The following TUBA8 variants were observed in gnomAD, a reference collection of about 807,000 sequenced individuals.
TUBA8 encodes tubulin alpha 8.
In TUBA8, 29 loss-of-function variants were observed where a neutral mutation model predicts 34.7. That is an observed-to-expected ratio of 0.84 (90% CI 0.62 to 1.14). The LOEUF (loss-of-function observed/expected upper bound fraction) is 1.14. Ranked by LOEUF, TUBA8 falls within the 50% of genes most tolerant of loss-of-function variation. The pLI, the probability that TUBA8 is intolerant of heterozygous loss-of-function variation, is 0.00. For synonymous variants in TUBA8, 226 were observed against 231.2 expected (o/e 0.98, Z 0.21); for missense variants, 541 against 599.2 (o/e 0.90, Z 1.01).
Position 18,119,474 on chromosome 22 carries a change from T to C in TUBA8, c.4-2005T>C, listed in dbSNP as rs879329592. The stretch of plus-strand genomic sequence containing the variant: ...ACTTTTCAGATGAGGAGAGGCTCAG[T>C]AACTCAGCCCAGGCCACACAGCACA... On this transcript the variant is annotated intron_variant, in intron 1 of 4. Transcript: ENST00000330423. This position sits in a 1 kb window ranked among gnomAD's most constrained non-coding sequence, Gnocchi z 5.9. The C allele has an allele frequency of 6.6e-6, 1 of 152,220 alleles. No individual in the cohort carries two copies. The highest frequency in any genetic ancestry group is 1.5e-5 in the Non-Finnish European group (1 of 68,066). The allele number at this position is 152,220 out of a possible 1,614,324, so 9.4% of individuals were successfully genotyped here. A position where few individuals can be genotyped will look rare whatever the true frequency, so the allele number is the denominator to read the frequency against.
In TUBA8 at chr22:18,131,100, T is replaced by C; in HGVS notation, c.1314T>C (p.Asp438=). 1 of 1,614,204 alleles carries C rather than the reference T, an allele frequency of 6.2e-7. No homozygotes were observed. Among genetic ancestry groups the C allele is most frequent in the Non-Finnish European group, 8.5e-7 (1 of 1,180,022 alleles). The change falls in exon 5 of 5, where the codon GAT becomes GAC. Residue 438 remains aspartate (D), a synonymous_variant. Transcript: ENST00000330423. This position sits in a 1 kb window ranked among gnomAD's most constrained non-coding sequence, Gnocchi z 5.3. ...LEKDYEEVGT[D]SFEEENEGEE... ...AGGATTATGAAGAAGTGGGGACTGA[T>C]TCGTTTGAAGAAGAAAATGAAGGGG...
chr22:18,127,396 T>TG (rs1174726236), intron 4 of TUBA8: 1 of 165,376 alleles, frequency 6.0e-6, no homozygotes, highest in Non-Finnish European at 1.3e-5. Flanking sequence ...TTAGTTTTGT[T>TG]TTTTTTTTTT....
chr22:18,124,389 G>A lies in TUBA8; in HGVS notation c.375+85G>A. The A allele has an allele frequency of 2.7e-6, 4 of 1,469,594 alleles. No individual in the cohort carries two copies. The highest frequency in any genetic ancestry group is 3.7e-6 in the Non-Finnish European group (4 of 1,091,224). The allele number at this position is 1,469,594 out of a possible 1,614,324, so 91.0% of individuals were successfully genotyped here. A position where few individuals can be genotyped will look rare whatever the true frequency, so the allele number is the denominator to read the frequency against. The stretch of plus-strand genomic sequence containing the variant: ...TGCCTCTTTGATCAGGCTAGGGAGA[G>A]GCATCTGACCCCTGGCTATAGGATG... On this transcript the variant is annotated intron_variant, in intron 3 of 4. Coordinates refer to ENST00000330423, the MANE Select transcript of TUBA8 (RefSeq NM_018943.3). This position sits in a 1 kb window ranked among gnomAD's most constrained non-coding sequence, Gnocchi z 4.3.
At chr22:18,122,971 G>T (rs959943045) in intron 2 of TUBA8, 2 of 151,350 alleles carry the variant, frequency 1.3e-5, no homozygotes, top group Non-Finnish European at 1.5e-5. Context: ...TTAGCCAGGC[G>T]TGGTGGTGGG....
At chr22:18,123,110 C>CAACAA (rs1279684980) in intron 2 of TUBA8, 2 of 21,188 alleles carry the variant, frequency 9.4e-5, no homozygotes, top group African/African-American at 2.7e-4. Context: ...ACCCCGTCTC[C>CAACAA]AAAAAAAAAA....
At position 18,121,944 on chromosome 22, in the gene TUBA8, C is replaced by A. The variant is rs1928163600; in HGVS notation, c.226+243C>A. On this transcript the variant is annotated intron_variant, in intron 2 of 4. Transcript: ENST00000330423. The surrounding 1 kb of genome is among the most constrained non-coding windows in gnomAD (Gnocchi z 4.8). ...CACTTCAACCCCAAAACCTGCGGCA[C>A]CAGGTCAAAATGGTCACATCGCTAC... 2 of 541,806 alleles carry A rather than the reference C, an allele frequency of 3.7e-6. No homozygotes were observed. 33.6% of individuals were successfully genotyped at this position (541,806 alleles called of 1,614,324 possible). A position where few individuals can be genotyped will look rare whatever the true frequency, so the allele number is the denominator to read the frequency against.
chr22:18,121,589 T>C lies in TUBA8; in HGVS notation c.114T>C (p.Ala38=). 6.2e-7 allele frequency: 1 copy of C among 1,614,130 alleles called. No individual in the cohort carries two copies. The highest frequency in any genetic ancestry group is 8.5e-7 in the Non-Finnish European group (1 of 1,180,036). ...HGIQADGTFD[A]QASKINDDDS... is the part of the protein sequence containing the mutation. The stretch of plus-strand genomic sequence containing the variant: ...TCCAGGCAGACGGCACTTTTGATGC[T>C]CAAGCTAGCAAGATCAACGATGATG... The change falls in exon 2 of 5, where the codon GCT becomes GCC. Residue 38 remains alanine, a synonymous_variant. Coordinates refer to ENST00000330423, the MANE Select transcript of TUBA8 (RefSeq NM_018943.3). The surrounding 1 kb of genome is among the most constrained non-coding windows in gnomAD (Gnocchi z 4.8).
rs1022653383 is a variant in TUBA8 at position 18,121,710 on chromosome 22, G to C, written c.226+9G>C. On this transcript the variant is annotated intron_variant, in intron 2 of 4. Coordinates refer to ENST00000330423, the MANE Select transcript of TUBA8 (RefSeq NM_018943.3). This position sits in a 1 kb window ranked among gnomAD's most constrained non-coding sequence, Gnocchi z 4.8. ...GGAGCCTACTGTAGTGGGTGAGTGG[G>C]GGCGGAGTTCCCCTCCACAGAGAAC... 1 of 1,613,106 alleles carries C rather than the reference G, an allele frequency of 6.2e-7. No individual in the cohort carries two copies. The highest frequency in any genetic ancestry group is 1.3e-5 in the African/African-American group (1 of 74,884).
chr22:18,126,575 T>C lies in TUBA8; in HGVS notation c.597T>C (p.Asp199=). 1 of 1,614,100 alleles carries C rather than the reference T, an allele frequency of 6.2e-7. No homozygotes were observed. Among genetic ancestry groups the C allele is most frequent in the Non-Finnish European group, 8.5e-7 (1 of 1,180,008 alleles). The change falls in exon 4 of 5, where the codon GAT becomes GAC. Residue 199 remains aspartate (D), a synonymous_variant. Coordinates refer to ENST00000330423, the MANE Select transcript of TUBA8 (RefSeq NM_018943.3). This position sits in a 1 kb window ranked among gnomAD's most constrained non-coding sequence, Gnocchi z 4.0. ...CCCACACCACACTGGAACATTCAGA[T>C]TGTGCTTTCATGGTGGACAACGAAG... ...LTTHTTLEHS[D]CAFMVDNEAI... is the part of the protein sequence containing the mutation.
chr22:18,121,798 G>A lies in TUBA8; in HGVS notation c.226+97G>A, dbSNP rs1928159728. The A allele has an allele frequency of 1.6e-6, 2 of 1,247,366 alleles. No individual in the cohort carries two copies. Among genetic ancestry groups the A allele is most frequent in the Admixed American group, 2.0e-5 (1 of 50,472 alleles). 77.3% of individuals were successfully genotyped at this position (1,247,366 alleles called of 1,614,324 possible). A position where few individuals can be genotyped will look rare whatever the true frequency, so the allele number is the denominator to read the frequency against. ...AGGAAGCAGCGTCTCTAGCTGGAAG[G>A]TGGGGATGGTGCAACCGCAGCCTCC... On this transcript the variant is annotated intron_variant, in intron 2 of 4. Coordinates refer to ENST00000330423, the MANE Select transcript of TUBA8 (RefSeq NM_018943.3). The surrounding 1 kb of genome is among the most constrained non-coding windows in gnomAD (Gnocchi z 4.8).
At chr22:18,130,609 T>G in intron 4 of TUBA8, 2 of 556,496 alleles carry the variant, frequency 3.6e-6, no homozygotes, top group Non-Finnish European at 6.4e-6. Flanking sequence ...TTTTTTTTGG[T>G]AGAGATGGGT....
At chr22:18,115,650 A>G (rs971092534) in intron 1 of TUBA8, 1 of 152,350 alleles carries the variant, frequency 6.6e-6, no homozygotes, top group East Asian at 1.9e-4. Context: ...GCAGGGCCCT[A>G]TGCTGGCTTG....
intron 2 of TUBA8, chr22:18,122,341 T>A (rs1928172513): frequency 6.5e-6 from 1 of 153,752 alleles, no homozygotes; most frequent in Admixed American, 6.4e-5. Context: ...GATGGACAGT[T>A]CTGCAAAGAG....
chr22:18,114,858 C>G (rs895276563), intron 1 of TUBA8: 1 of 152,068 alleles, frequency 6.6e-6, no homozygotes, highest in East Asian at 1.9e-4. Context: ...CACAAGACAG[C>G]CTTTTTAAGG....
chr22:18,118,453 G>A lies in TUBA8; in HGVS notation c.4-3026G>A, dbSNP rs1018770412. ...TGAGGCTCAGGTTGTCTCATCTTAG[G>A]CAGCAGGAGCCTCTTCAGGTGCTTG... On this transcript the variant is annotated intron_variant, in intron 1 of 4. Transcript: ENST00000330423. This position sits in a 1 kb window ranked among gnomAD's most constrained non-coding sequence, Gnocchi z 4.0. The A allele has an allele frequency of 2.6e-4, 40 of 152,166 alleles. No individual in the cohort carries two copies. Among genetic ancestry groups the A allele is most frequent in the African/African-American group, 9.4e-4 (39 of 41,438 alleles). The allele number at this position is 152,166 out of a possible 1,614,324, so 9.4% of individuals were successfully genotyped here.
At position 18,111,106 on chromosome 22, in the gene TUBA8, C is replaced by A. The variant is rs1334127984; in HGVS notation, c.3+238C>A. The A allele has an allele frequency of 1.1e-5, 7 of 619,242 alleles. No individual in the cohort carries two copies. The highest frequency in any genetic ancestry group is 3.7e-5 in the African/African-American group (2 of 53,428). 38.4% of individuals were successfully genotyped at this position (619,242 alleles called of 1,614,324 possible). ...TGTTCCTTAAAGGGACCTAAGGGAGCTTTGCGTGCAGACGAGGGGGAGGGA... is the reference window on the plus strand; with the variant it reads ...TGTTCCTTAAAGGGACCTAAGGGAGATTTGCGTGCAGACGAGGGGGAGGGA... On this transcript the variant is annotated intron_variant, in intron 1 of 4. Coordinates refer to ENST00000330423, the MANE Select transcript of TUBA8 (RefSeq NM_018943.3). This position sits in a 1 kb window ranked among gnomAD's most constrained non-coding sequence, Gnocchi z 5.1.
chr22:18,115,635 A>C (rs1468643419), intron 1 of TUBA8: 1 of 152,420 alleles, frequency 6.6e-6, no homozygotes, highest in Non-Finnish European at 1.5e-5. Flanking sequence ...ATGGGGGAGC[A>C]CATGGCAGGG....
intron 4 of TUBA8, chr22:18,129,751 A>C (rs1928437349): frequency 6.6e-6 from 1 of 152,108 alleles, no homozygotes; most frequent in African/African-American, 2.4e-5. Flanking sequence ...AAAGCTATGG[A>C]TTTAAGAGAC....
At chr22:18,116,135 T>C (rs1927966574) in intron 1 of TUBA8, 1 of 152,364 alleles carries the variant, frequency 6.6e-6, no homozygotes, top group African/African-American at 2.4e-5. Context: ...AGCTTCCCCT[T>C]GCCCCCAACC....
Sources: gnomAD v4.1 joint callset for allele counts on GRCh38, gnomAD v4.1.1 for gene constraint, Gnocchi (gnomAD v3.1) non-coding constraint, MANE v1.5 for transcripts, NCBI Gene and HGNC (gene_info 2026-07-23, HGNC 2026-07-21) for gene names.